The following KIAA0232 variants were observed in gnomAD, a reference collection of about 807,000 sequenced individuals.
KIAA0232 encodes the protein uncharacterized protein KIAA0232.
Under a neutral mutation model 122.0 loss-of-function variants are expected in KIAA0232, and 27 were observed. The observed-to-expected ratio is 0.22, with a 90% confidence interval of 0.16 to 0.31. KIAA0232 has a LOEUF of 0.31. Among genes scored for constraint, KIAA0232 ranks in the 10% least tolerant of loss-of-function variants. The pLI is 1.00. For missense variants in KIAA0232, 1,551 were observed against 1,634.2 expected (o/e 0.95, Z 0.88); for synonymous variants, 613 against 587.6 (o/e 1.04, Z -0.63).
intron 4 of KIAA0232, among the ~76,000 whole-genome samples, chr4:6,850,737 G>C (rs1252491075): frequency 1.3e-5 from 2 of 150,918 alleles, no homozygotes; most frequent in East Asian, 3.9e-4. Flanking sequence ...CGTTATCTCA[G>C]TCAGCTCACT....
At chr4:6,858,928 G>T (rs1186699368) in intron 6 of KIAA0232, among the ~76,000 whole-genome samples, 2 of 151,882 alleles carry the variant, frequency 1.3e-5, no homozygotes, top group Non-Finnish European at 2.9e-5. Context: ...TGGTCAACAT[G>T]GTGAAACCCA....
chr4:6,869,124 C>T (rs557749954), intron 7 of KIAA0232, among the ~76,000 whole-genome samples: 1 of 152,284 alleles, frequency 6.6e-6, no homozygotes, highest in South Asian at 2.1e-4. Context: ...GATCTAAACT[C>T]GTCTTGGTTC....
chr4:6,877,479 T>C (rs1721819788), intron 9 of KIAA0232, among the ~76,000 whole-genome samples: 1 of 151,896 alleles, frequency 6.6e-6, no homozygotes, highest in Non-Finnish European at 1.5e-5. Context: ...ATGGAATAGG[T>C]ATATATATAC....
At chr4:6,869,183 G>C (rs1013393696) in intron 7 of KIAA0232, among the ~76,000 whole-genome samples, 6 of 152,038 alleles carry the variant, frequency 3.9e-5, no homozygotes, top group Non-Finnish European at 8.8e-5. Context: ...TGCTTTCCCT[G>C]ACCTGTCCCA....
intron 2 of KIAA0232, among the ~76,000 whole-genome samples, chr4:6,807,322 A>T (rs763234065): frequency 1.3e-5 from 2 of 152,218 alleles, no homozygotes; most frequent in Non-Finnish European, 2.9e-5. Flanking sequence ...CTATAAGAAC[A>T]ATCCTGTTTA....
intron 4 of KIAA0232, among the ~76,000 whole-genome samples, chr4:6,856,113 C>A (rs35294480): frequency 0.15 from 22,502 of 152,104 alleles, 2,441 homozygotes; most frequent in East Asian, 0.57. Flanking sequence ...TCTTGCTACT[C>A]AAACTGTGTA....
In KIAA0232 at chr4:6,864,008, A is replaced by G; in HGVS notation, c.3626A>G (p.Gln1209Arg). 1 of 1,614,182 alleles carries G rather than the reference A, an allele frequency of 6.2e-7. No homozygotes were observed. The highest frequency in any genetic ancestry group is 1.3e-5 in the African/African-American group (1 of 75,072). ...TGILSVGKQN[Q>R]CLECSMNESL... is the part of the protein sequence containing the mutation. ...ATTCTTTCAGTAGGAAAGCAAAATC[A>G]GTGTTTGGAATGTAGCATGAATGAA... The change falls in exon 7 of 10, where the codon CAG (glutamine) becomes CGG (arginine). Residue 1209 changes from glutamine to arginine, a missense_variant. Coordinates refer to ENST00000307659, the MANE Select transcript of KIAA0232 (RefSeq NM_014743.3).
At chr4:6,826,685 A>G (rs1057041774) in intron 3 of KIAA0232, among the ~76,000 whole-genome samples, 16 of 152,158 alleles carry the variant, frequency 1.1e-4, no homozygotes, top group East Asian at 7.7e-4. Flanking sequence ...TTAAAAAACT[A>G]TGTCTCTTTC....
chr4:6,807,168 A>G (rs939859356), intron 2 of KIAA0232, among the ~76,000 whole-genome samples: 5 of 152,134 alleles, frequency 3.3e-5, no homozygotes, highest in Admixed American at 2.0e-4. Context: ...TCCAATAGCT[A>G]GGATTATAGG....
chr4:6,804,564 C>T lies in KIAA0232; in HGVS notation c.-312C>T, dbSNP rs927883665. 3.3e-5 allele frequency: 5 copies of T among 152,058 alleles called. No homozygotes were observed. 9.4% of individuals were successfully genotyped at this position (152,058 alleles called of 1,614,324 possible). A position where few individuals can be genotyped will look rare whatever the true frequency, so the allele number is the denominator to read the frequency against. On this transcript the variant is annotated 5_prime_UTR_variant, in exon 2 of 10. Coordinates refer to ENST00000307659, the MANE Select transcript of KIAA0232 (RefSeq NM_014743.3). ...AAGGTAGGGCGCGGTGGACTCTGCCCCTGTAACCGTTCCGGAGAATGCGTT... is the reference window on the plus strand; with the variant it reads ...AAGGTAGGGCGCGGTGGACTCTGCCTCTGTAACCGTTCCGGAGAATGCGTT...
chr4:6,811,891 G>T lies in KIAA0232; in HGVS notation c.-270+7285G>T, dbSNP rs144477692. 2.4e-3 allele frequency among the ~76,000 whole-genome samples: 366 copies of T among 150,798 alleles called. 5 individuals carry two copies. Among genetic ancestry groups the T allele is most frequent in the East Asian group, 0.019 (98 of 5,110 alleles). On this transcript the variant is annotated intron_variant, in intron 2 of 9. Coordinates refer to ENST00000307659, the MANE Select transcript of KIAA0232 (RefSeq NM_014743.3). ...TGACCCCTTATCCTAATTATTCTCA[G>T]TTCTCTCTTTGTTTTGTTAATAGGC... is the stretch of plus-strand genomic sequence containing the variant.
rs1012921610 is a variant in KIAA0232, at chr4:6,874,965, C to T, written c.3911-1695C>T. 3.7e-4 allele frequency among the ~76,000 whole-genome samples: 57 copies of T among 152,296 alleles called. 1 individual carries two copies. Among genetic ancestry groups the T allele is most frequent in the African/African-American group, 1.4e-3 (57 of 41,566 alleles). ...GAAGGAGTGGGGTGTGGAGATGGGCCTGCCTGCCTCTGAGCTATCCTTGTC... is the reference window on the plus strand; with the variant it reads ...GAAGGAGTGGGGTGTGGAGATGGGCTTGCCTGCCTCTGAGCTATCCTTGTC... On this transcript the variant is annotated intron_variant, in intron 8 of 9. Transcript: ENST00000307659.
chr4:6,875,537 G>A (rs1364955370), intron 8 of KIAA0232, among the ~76,000 whole-genome samples: 2 of 152,148 alleles, frequency 1.3e-5, no homozygotes, highest in African/African-American at 2.4e-5. Context: ...GGGCCCAGAT[G>A]GTCTTACCCT....
At chr4:6,856,009 C>A (rs1416266951) in intron 4 of KIAA0232, 1 of 207,914 alleles carries the variant, frequency 4.8e-6, no homozygotes, top group Non-Finnish European at 8.4e-6. Flanking sequence ...CTTGTCTGGC[C>A]TATTTTTCTA....
intron 2 of KIAA0232, among the ~76,000 whole-genome samples, chr4:6,818,075 C>T (rs996864966): frequency 1.1e-4 from 17 of 151,934 alleles, no homozygotes; most frequent in African/African-American, 2.4e-5. Context: ...GGATTTTATA[C>T]ACCTATAACA....
intron 2 of KIAA0232, among the ~76,000 whole-genome samples, chr4:6,811,739 C>T (rs1375269397): frequency 2.1e-5 from 3 of 145,662 alleles, no homozygotes; most frequent in African/African-American, 7.7e-5. Context: ...GCCACTGTGC[C>T]TGGCCTAATT....
chr4:6,882,800 A>G lies in KIAA0232; in HGVS notation c.*1834A>G, dbSNP rs1417190343. The G allele has an allele frequency of 6.5e-6, 1 of 152,710 alleles. No homozygotes were observed. The highest frequency in any genetic ancestry group is 1.9e-4 in the East Asian group (1 of 5,204). The allele number at this position is 152,710 out of a possible 1,614,324, so 9.5% of individuals were successfully genotyped here. ...ATATAATTTAACAGCAAAAGTAAAA[A>G]AGGATTGAAAGTTGTAAATTCCTCA... On this transcript the variant is annotated 3_prime_UTR_variant, in exon 10 of 10. Transcript: ENST00000307659.
chr4:6,858,312 T>A, intron 5 of KIAA0232, 113 bp from the exon 6 acceptor site: 1 of 627,354 alleles, frequency 1.6e-6, no homozygotes, highest in Non-Finnish European at 2.7e-6. Flanking sequence ...AGTTTGCCTT[T>A]TAAGCACCAA....
intron 2 of KIAA0232, among the ~76,000 whole-genome samples, chr4:6,810,488 C>G (rs746989958): frequency 2.6e-5 from 4 of 152,046 alleles, no homozygotes; most frequent in East Asian, 1.9e-4. Context: ...AGAATAAAAC[C>G]TAGGGAAAAC....
Sources: allele counts gnomAD v4.1 joint callset (sites outside exome capture counted in the v4.1 genomes callset), GRCh38; gene constraint gnomAD v4.1.1; transcripts MANE v1.5; gene names NCBI Gene and HGNC (gene_info 2026-07-23, HGNC 2026-07-21).